DLG1: variants seen among roughly 807,000 people sequenced by gnomAD.
DLG1 encodes disks large homolog 1.
A neutral mutation model predicts 123.4 loss-of-function variants in DLG1; 42 were observed. The ratio of observed to expected loss-of-function variants is 0.34; its 90% CI spans 0.27 to 0.44. DLG1 has a LOEUF of 0.44. Ranked by LOEUF, DLG1 falls within the 20% of genes least tolerant of loss-of-function variation. DLG1 has a pLI of 1.00. For missense variants in DLG1, 942 were observed against 1,082.6 expected, an observed-to-expected ratio of 0.87 and a Z score of 1.82; for synonymous variants, 317 against 356.2, an observed-to-expected ratio of 0.89 and a Z score of 1.24.
intron 4 of DLG1, among the ~76,000 whole-genome samples, chr3:197,228,343 CAT>C (rs1741044807): frequency 6.6e-6 from 1 of 152,216 alleles, no homozygotes; most frequent in South Asian, 2.1e-4. Flanking sequence ...TTATTTGGCA[CAT>C]GTCTAATAGA....
At position 197,297,250 on chromosome 3, in the gene DLG1, A is replaced by G. The variant is rs1243901947; in HGVS notation, c.-31-15T>C. ...AGGGCACACACCTTTAAAACACACA[A>G]CGGAAAGGAAAAAGGATAGAATCAT... On this transcript the variant is annotated splice_polypyrimidine_tract_variant and intron_variant, in intron 1 of 24. Transcript: ENST00000667157. 1.2e-6 allele frequency: 2 copies of G among 1,613,394 alleles called. No individual in the cohort carries two copies. The highest frequency in any genetic ancestry group is 1.3e-5 in the African/African-American group (1 of 74,892).
chr3:197,176,176 T>C (rs1378511018), intron 5 of DLG1, among the ~76,000 whole-genome samples: 1 of 152,148 alleles, frequency 6.6e-6, no homozygotes, highest in African/African-American at 2.4e-5. Context: ...ACACCAATTT[T>C]ATAGTTTTTA....
chr3:197,131,096 C>CA, intron 10 of DLG1, among the ~76,000 whole-genome samples: 1 of 152,100 alleles, frequency 6.6e-6, no homozygotes, highest in Non-Finnish European at 1.5e-5. Context: ...TACATTGTAA[C>CA]AAAACAGCTG....
chr3:197,149,273 A>G (rs1471366553), intron 6 of DLG1, among the ~76,000 whole-genome samples: 1 of 152,194 alleles, frequency 6.6e-6, no homozygotes, highest in Admixed American at 6.5e-5. Flanking sequence ...GGATTTATCT[A>G]TTCTGGAACT....
chr3:197,196,665 G>A lies in DLG1; in HGVS notation c.319-2076C>T, dbSNP rs953970762. Among the ~76,000 whole-genome samples the A allele has an allele frequency of 2.0e-5, 3 of 152,224 alleles. No homozygotes were observed. The South Asian group carries it at 6.2e-4, about 32-fold the overall frequency. On this transcript the variant is annotated intron_variant, in intron 4 of 24. Transcript: ENST00000667157. ...CTGCCTATCAATCAACTAACAAAAT[G>A]TCTAAAGAAATATGGCACACCCATC... is the stretch of plus-strand genomic sequence containing the variant.
intron 4 of DLG1, among the ~76,000 whole-genome samples, chr3:197,201,240 T>C (rs184422893): frequency 2.2e-4 from 33 of 152,196 alleles, no homozygotes; most frequent in African/African-American, 7.0e-4. Flanking sequence ...AAAATTTAGC[T>C]GGGCATGGTG....
chr3:197,157,990 G>T (rs572753251), intron 5 of DLG1, among the ~76,000 whole-genome samples: 1 of 152,278 alleles, frequency 6.6e-6, no homozygotes, highest in African/African-American at 2.4e-5. Context: ...AATTGTCAAT[G>T]ATTTCTTGGA....
At chr3:197,143,599 C>G (rs1385565570) in intron 6 of DLG1, among the ~76,000 whole-genome samples, 1 of 152,162 alleles carries the variant, frequency 6.6e-6, no homozygotes, top group Non-Finnish European at 1.5e-5. Flanking sequence ...TCCTCTAAAA[C>G]TTTCACAACT....
At chr3:197,077,778 T>C (rs1228087301) in intron 17 of DLG1, among the ~76,000 whole-genome samples, 2 of 152,192 alleles carry the variant, frequency 1.3e-5, no homozygotes, top group Non-Finnish European at 2.9e-5. Context: ...TAGCTTCTTT[T>C]GTCATTTCTC....
intron 24 of DLG1, among the ~76,000 whole-genome samples, chr3:197,048,338 G>A (rs552175790): frequency 5.9e-5 from 9 of 152,312 alleles, no homozygotes; most frequent in African/African-American, 2.2e-4. Context: ...GGGTGTGGTG[G>A]CATGTGCCTG....
chr3:197,137,491 A>G (rs1346164501), intron 9 of DLG1, among the ~76,000 whole-genome samples: 3 of 152,238 alleles, frequency 2.0e-5, no homozygotes, highest in Admixed American at 6.5e-5. Context: ...GAAGTCTTCA[A>G]TATAAGAATA....
chr3:197,277,215 T>TC (rs1766889031), intron 4 of DLG1, among the ~76,000 whole-genome samples: 1 of 152,102 alleles, frequency 6.6e-6, no homozygotes, highest in Non-Finnish European at 1.5e-5. Context: ...TTTATGGTTT[T>TC]TTTTTTTTTA....
At chr3:197,146,560 T>A (rs1272175164) in intron 6 of DLG1, among the ~76,000 whole-genome samples, 2 of 152,196 alleles carry the variant, frequency 1.3e-5, no homozygotes, top group African/African-American at 4.8e-5. Context: ...AAGGACACCC[T>A]ATTTGACAAA....
intron 5 of DLG1, among the ~76,000 whole-genome samples, chr3:197,173,836 C>T (rs937630194): frequency 1.3e-5 from 2 of 152,204 alleles, no homozygotes; most frequent in African/African-American, 4.8e-5. Context: ...CATGGTGGCT[C>T]ATGCCTGTAA....
At chr3:197,207,383 C>T (rs775586131) in intron 4 of DLG1, among the ~76,000 whole-genome samples, 2 of 152,200 alleles carry the variant, frequency 1.3e-5, no homozygotes, top group Non-Finnish European at 2.9e-5. Context: ...GAAAAGAAGA[C>T]AGACCACGTT....
At chr3:197,086,739 G>A (rs967593298) in intron 15 of DLG1, among the ~76,000 whole-genome samples, 3 of 151,992 alleles carry the variant, frequency 2.0e-5, no homozygotes, top group African/African-American at 7.3e-5. Flanking sequence ...AAGCAGGAGG[G>A]CTCACTTAAA....
At chr3:197,187,475 A>AT (rs1215235812) in intron 5 of DLG1, among the ~76,000 whole-genome samples, 1 of 152,178 alleles carries the variant, frequency 6.6e-6, no homozygotes, top group Non-Finnish European at 1.5e-5. Flanking sequence ...AAATATACTT[A>AT]TTTAGCACAA....
At chr3:197,280,362 T>TGTGTGTGC (rs1323668832) in intron 4 of DLG1, among the ~76,000 whole-genome samples, 1 of 152,000 alleles carries the variant, frequency 6.6e-6, no homozygotes, top group Non-Finnish European at 1.5e-5. Flanking sequence ...TGTGTGTGTG[T>TGTGTGTGC]GTGTGTATCA....
chr3:197,290,897 T>TAAAAAAAAAA (rs34807556), intron 3 of DLG1, among the ~76,000 whole-genome samples: 2 of 87,966 alleles, frequency 2.3e-5, no homozygotes, highest in Admixed American at 1.3e-4. Context: ...CTCCAAATAG[T>TAAAAAAAAAA]AAAAAAAAAA....
Sources: allele counts gnomAD v4.1 joint callset (sites outside exome capture counted in the v4.1 genomes callset), GRCh38; gene constraint gnomAD v4.1.1; transcripts MANE v1.5; gene names NCBI Gene and HGNC (gene_info 2026-07-23, HGNC 2026-07-21).